Variants in SVIL observed in about 807,000 individuals in gnomAD.
SVIL encodes the protein archvillin.
In SVIL, 101 loss-of-function variants were observed where a neutral mutation model predicts 240.4. That is an observed-to-expected ratio of 0.42 (90% CI 0.36 to 0.50). The LOEUF (loss-of-function observed/expected upper bound fraction) is 0.50, where lower values mean the gene tolerates loss of function less well. Among genes scored for constraint, SVIL ranks in the 20% least tolerant of loss-of-function variants. The pLI, the probability that SVIL is intolerant of heterozygous loss-of-function variation, is 0.01. For missense variants in SVIL, 2,512 were observed against 2,818.7 expected (o/e 0.89, Z 2.46); for synonymous variants, 999 against 1,100.0 (o/e 0.91, Z 1.82).
chr10:29,554,016 C>T (rs758390835), intron 5 of SVIL, among the ~76,000 whole-genome samples: 18 of 152,108 alleles, frequency 1.2e-4, no homozygotes, highest in African/African-American at 4.3e-4. Context: ...TTGAGGGCCC[C>T]AGTCTAGGGA....
At position 29,550,875 on chromosome 10, in the gene SVIL, C is replaced by T. The variant is rs774622282; in HGVS notation, c.549G>A (p.Lys183=). Residue 183 remains lysine, a synonymous_variant, in exon 6 of 38, where the codon AAG becomes AAA. Coordinates refer to ENST00000355867, the MANE Select transcript of SVIL (RefSeq NM_021738.3). ...CGTCACCCACATGGAGGGCATAGTC[C>T]TTGGATTCACCGGCACAGGTCCTGA... ...MGLRTCAGES[K]DYALHVGDGS... is the part of the protein sequence containing the mutation. The T allele has an allele frequency of 6.2e-7, 1 of 1,614,030 alleles. No individual in the cohort carries two copies. The highest frequency in any genetic ancestry group is 2.2e-5 in the East Asian group (1 of 44,860).
intron 1 of SVIL, among the ~76,000 whole-genome samples, chr10:29,730,643 A>G (rs150521702): frequency 6.6e-6 from 1 of 152,336 alleles, no homozygotes; most frequent in East Asian, 1.9e-4. Context: ...GGAGGCCAGA[A>G]GTGGATTAAG....
Position 29,643,470 on chromosome 10 carries a change from A to G in SVIL, c.-201+14499T>C, listed in dbSNP as rs1028569139. On this transcript the variant is annotated intron_variant, in intron 3 of 35. Coordinates refer to the SVIL transcript ENST00000375400. Reference sequence around the variant, plus strand: ...GATTTTGACCTCTATGGGAGAAGACAGAGACATGCTGTAGTCTACTGATAT... The same window carrying G: ...GATTTTGACCTCTATGGGAGAAGACGGAGACATGCTGTAGTCTACTGATAT... Among the ~76,000 whole-genome samples, 11 of 152,322 alleles carry G rather than the reference A, an allele frequency of 7.2e-5. 1 individual carries two copies. The Middle Eastern group carries it at 0.01, about 141-fold the overall frequency.
chr10:29,718,873 G>T (rs942542223), intron 1 of SVIL, among the ~76,000 whole-genome samples: 2 of 152,176 alleles, frequency 1.3e-5, no homozygotes, highest in South Asian at 4.1e-4. Flanking sequence ...ACTTTGGGAG[G>T]CCGAGGTGGG....
intron 32 of SVIL, 83 bp from the exon 33 acceptor site, chr10:29,467,958 G>C (rs1945115611): frequency 5.0e-6 from 7 of 1,388,184 alleles, no homozygotes; most frequent in Non-Finnish European, 7.0e-6. Context: ...TATGATAACA[G>C]CTTTATAATA....
intron 1 of SVIL, among the ~76,000 whole-genome samples, chr10:29,598,381 G>A (rs1259531306): frequency 6.6e-6 from 1 of 152,182 alleles, no homozygotes; most frequent in Non-Finnish European, 1.5e-5. Flanking sequence ...TATGGTGTGT[G>A]TATTTTACCA....
chr10:29,647,651 G>T (rs1001112137), intron 3 of SVIL, among the ~76,000 whole-genome samples: 1 of 152,068 alleles, frequency 6.6e-6, no homozygotes, highest in Admixed American at 6.6e-5. Flanking sequence ...GTGTGTGTGT[G>T]TGTAGAGACA....
At chr10:29,506,894 G>T (rs1279426061) in intron 17 of SVIL, among the ~76,000 whole-genome samples, 1 of 152,184 alleles carries the variant, frequency 6.6e-6, no homozygotes, top group Non-Finnish European at 1.5e-5. Flanking sequence ...CCGGCAGGGA[G>T]GAGATGGGAG....
At chr10:29,603,733 T>C (rs1036973009) in intron 1 of SVIL, among the ~76,000 whole-genome samples, 2 of 152,172 alleles carry the variant, frequency 1.3e-5, no homozygotes, top group African/African-American at 4.8e-5. Flanking sequence ...CCAGACTACA[T>C]TCTGAACAAA....
intron 3 of SVIL, among the ~76,000 whole-genome samples, chr10:29,655,398 A>G (rs544014872): frequency 6.6e-6 from 1 of 152,312 alleles, no homozygotes; most frequent in South Asian, 2.1e-4. Context: ...GGGCAGGAGG[A>G]GTAGAAGGAA....
intron 2 of SVIL, among the ~76,000 whole-genome samples, chr10:29,673,944 C>A (rs1373673682): frequency 6.6e-6 from 1 of 152,118 alleles, no homozygotes; most frequent in African/African-American, 2.4e-5. Flanking sequence ...TCTAATTAAG[C>A]CTCTCATCTT....
intron 13 of SVIL, among the ~76,000 whole-genome samples, chr10:29,525,619 C>T (rs1210341830): frequency 6.6e-6 from 1 of 152,076 alleles, no homozygotes; most frequent in East Asian, 1.9e-4. Context: ...TGAATGAATA[C>T]ATAAATCAGT....
chr10:29,546,925 C>CA (rs1952747016), intron 6 of SVIL, among the ~76,000 whole-genome samples: 1 of 152,118 alleles, frequency 6.6e-6, no homozygotes, highest in African/African-American at 2.4e-5. Flanking sequence ...AAAAAATCCA[C>CA]AAAAAACCAC....
At chr10:29,545,445 G>A in intron 6 of SVIL, among the ~76,000 whole-genome samples, 1 of 152,092 alleles carries the variant, frequency 6.6e-6, no homozygotes, top group South Asian at 2.1e-4. Context: ...TCCATATCAT[G>A]TTCTCACTAC....
chr10:29,488,563 C>T (rs377380349), intron 23 of SVIL, 38 bp downstream of exon 23: 56 of 1,518,552 alleles, frequency 3.7e-5, no homozygotes, highest in African/African-American at 2.8e-4. Flanking sequence ...ACAGAAACCA[C>T]GGGCCCTGAG....
At chr10:29,646,294 T>C (rs567984367) in intron 3 of SVIL, among the ~76,000 whole-genome samples, 1 of 152,312 alleles carries the variant, frequency 6.6e-6, no homozygotes, top group East Asian at 1.9e-4. Flanking sequence ...TTTACCTCCT[T>C]CTCAAATACC....
chr10:29,490,288 T>C (rs1947820975), intron 22 of SVIL, among the ~76,000 whole-genome samples: 1 of 152,170 alleles, frequency 6.6e-6, no homozygotes, highest in Admixed American at 6.5e-5. Context: ...TTGAAGTGTT[T>C]TACTATAAGA....
At chr10:29,560,746 T>C (rs1170421848) in intron 3 of SVIL, among the ~76,000 whole-genome samples, 1 of 152,070 alleles carries the variant, frequency 6.6e-6, no homozygotes, top group Non-Finnish European at 1.5e-5. Flanking sequence ...ATTGCTGGTC[T>C]TTCCAAATCT....
intron 6 of SVIL, among the ~76,000 whole-genome samples, 163 bp downstream of exon 6, chr10:29,550,434 C>G (rs1440575115): frequency 6.9e-6 from 1 of 145,956 alleles, no homozygotes; most frequent in Non-Finnish European, 1.5e-5. Flanking sequence ...AGAGTGGGAC[C>G]CTGTCTTCAG....
Sources: gnomAD v4.1 joint callset for allele counts (sites outside exome capture counted in the v4.1 genomes callset) on GRCh38, gnomAD v4.1.1 for gene constraint, MANE v1.5 for transcripts, NCBI Gene and HGNC (gene_info 2026-07-23, HGNC 2026-07-21) for gene names.